The following NBEA variants were observed in gnomAD, a reference collection of about 807,000 sequenced individuals.
NBEA encodes the protein lysosomal-trafficking regulator 2.
NBEA carries 44 observed loss-of-function variants against 343.4 expected under a neutral mutation model. The observed-to-expected ratio is 0.13, with a 90% CI of 0.10 to 0.16. NBEA has a LOEUF of 0.16. Among genes scored for constraint, NBEA ranks in the 10% least tolerant of loss-of-function variants. The probability of loss-of-function intolerance (pLI) is 1.00; values close to 1 mark genes in which losing one functional copy is unlikely to be tolerated. For missense variants in NBEA, 2,555 were observed against 3,631.3 expected, an observed-to-expected ratio of 0.70 and a Z score of 7.62; for synonymous variants, 1,175 against 1,238.7, an observed-to-expected ratio of 0.95 and a Z score of 1.08.
In NBEA at chr13:35,587,282, A is replaced by G. The variant is rs112948594; in HGVS notation, c.7176+3244A>G. Among the ~76,000 whole-genome samples, 675 of 152,292 alleles carry G rather than the reference A, an allele frequency of 4.4e-3. 4 individuals are homozygous for G. Among genetic ancestry groups the G allele is most frequent in the African/African-American group, 0.015 (625 of 41,558 alleles). ...TGGGCTTAAGTAGCCCATGAGATAT[A>G]TTTCTTAAGCTACACAGTCAATTTG... On this transcript the variant is annotated intron_variant, in intron 46 of 58. Transcript: ENST00000379939.
chr13:35,422,445 A>G lies in NBEA; in HGVS notation c.6180-9824A>G, dbSNP rs1297643168. Among the ~76,000 whole-genome samples, 7 of 152,170 alleles carry G rather than the reference A, an allele frequency of 4.6e-5. No individual in the cohort carries two copies. The South Asian group carries it at 6.2e-4, about 14-fold the overall frequency. On this transcript the variant is annotated intron_variant, in intron 38 of 58. Coordinates refer to ENST00000379939, the MANE Select transcript of NBEA (RefSeq NM_001385012.1). ...TAGTCTGCTGCGAATGATGGTTTCC[A>G]GTTTCATCCATGTCCCTACAAAGGA... is the stretch of plus-strand genomic sequence containing the variant.
chr13:35,359,242 T>C (rs2040671391), intron 38 of NBEA, among the ~76,000 whole-genome samples: 1 of 152,192 alleles, frequency 6.6e-6, no homozygotes, highest in Admixed American at 6.5e-5. Flanking sequence ...TGAGTTCAAA[T>C]GTCACCTTTT....
chr13:35,564,291 A>G (rs547885940), intron 44 of NBEA, among the ~76,000 whole-genome samples: 26 of 152,016 alleles, frequency 1.7e-4, no homozygotes, highest in Non-Finnish European at 4.4e-5. Flanking sequence ...AATATATGTT[A>G]TATCTAGATA....
At chr13:35,562,962 GT>G (rs890795588) in intron 44 of NBEA, among the ~76,000 whole-genome samples, 3 of 151,768 alleles carry the variant, frequency 2.0e-5, no homozygotes, top group Non-Finnish European at 4.4e-5. Context: ...TAATTAAAAA[GT>G]TTTTTTAATG....
intron 41 of NBEA, among the ~76,000 whole-genome samples, chr13:35,506,329 A>G (rs2077071252): frequency 6.6e-6 from 1 of 152,140 alleles, no homozygotes; most frequent in South Asian, 2.1e-4. Flanking sequence ...TTGGCCTCTC[A>G]TAGAACTGAG....
chr13:35,282,309 T>C (rs1350538200), intron 34 of NBEA, among the ~76,000 whole-genome samples: 1 of 152,180 alleles, frequency 6.6e-6, no homozygotes, highest in African/African-American at 2.4e-5. Context: ...TGGTATATGT[T>C]CTCTTTTGAT....
chr13:35,664,894 T>TA (rs1338636800), intron 55 of NBEA, among the ~76,000 whole-genome samples, 191 bp from the exon 56 acceptor site: 1 of 152,266 alleles, frequency 6.6e-6, no homozygotes, highest in African/African-American at 2.4e-5. Context: ...ACAGCATGTA[T>TA]AATAGATTCG....
chr13:35,162,872 A>C (rs575173895), intron 23 of NBEA, among the ~76,000 whole-genome samples: 8 of 152,262 alleles, frequency 5.3e-5, no homozygotes, highest in African/African-American at 1.9e-4. Context: ...TTGTGGAAGA[A>C]GTCAATAAAG....
At chr13:35,206,175 T>C (rs911982731) in intron 31 of NBEA, among the ~76,000 whole-genome samples, 1 of 152,140 alleles carries the variant, frequency 6.6e-6, no homozygotes, top group Non-Finnish European at 1.5e-5. Context: ...TTTCTCTCGG[T>C]CTCATAACTT....
chr13:35,185,449 GATGAA>G (rs2071628871), intron 30 of NBEA: 1 of 152,276 alleles, frequency 6.6e-6, no homozygotes, highest in Non-Finnish European at 1.5e-5. Flanking sequence ...TGAACAGCAT[GATGAA>G]ATGAAGGGAA....
chr13:35,065,629 A>ATATT (rs953065953), intron 8 of NBEA, among the ~76,000 whole-genome samples: 2 of 151,420 alleles, frequency 1.3e-5, no homozygotes, highest in African/African-American at 2.4e-5. Context: ...CTCTTAAATC[A>ATATT]CTCCTCATAT....
At chr13:35,353,385 A>C (rs149814182) in intron 38 of NBEA, among the ~76,000 whole-genome samples, 5 of 152,160 alleles carry the variant, frequency 3.3e-5, no homozygotes, top group African/African-American at 9.6e-5. Flanking sequence ...CAGTGAGCCG[A>C]GATTGTGCCA....
chr13:35,042,036 GAATACTCTTTTAA>G (rs2062671476), intron 2 of NBEA, among the ~76,000 whole-genome samples: 1 of 151,778 alleles, frequency 6.6e-6, no homozygotes, highest in Non-Finnish European at 1.5e-5. Context: ...AGATACCAGA[GAATACTCTTTTAA>G]CATTTTGGCT....
At chr13:34,968,894 G>GTGTT (rs1566102823) in intron 1 of NBEA, among the ~76,000 whole-genome samples, 19 of 151,204 alleles carry the variant, frequency 1.3e-4, no homozygotes, top group African/African-American at 3.9e-4. Flanking sequence ...TCAATTGATT[G>GTGTT]TTAATATCAA....
At position 35,033,521 on chromosome 13, in the gene NBEA, G is replaced by T. The variant is rs1400106023; in HGVS notation, c.295-7412G>T. ...GTGATTCCATATAAATTTGAGCATT[G>T]TTTTATCTATTTCTGTGAAGGATGT... is the stretch of plus-strand genomic sequence containing the variant. On this transcript the variant is annotated intron_variant, in intron 1 of 58. Coordinates refer to ENST00000379939, the MANE Select transcript of NBEA (RefSeq NM_001385012.1). Among the ~76,000 whole-genome samples the T allele has an allele frequency of 2.6e-5, 4 of 151,692 alleles. No individual in the cohort carries two copies. The East Asian group carries it at 7.7e-4, about 29-fold the overall frequency.
intron 1 of NBEA, among the ~76,000 whole-genome samples, chr13:34,985,411 CT>C (rs2060510890): frequency 6.6e-6 from 1 of 150,964 alleles, no homozygotes; most frequent in Admixed American, 6.6e-5. Context: ...GCTGAATAAG[CT>C]TTTTCATGTG....
chr13:35,130,515 T>A (rs1205009383), intron 17 of NBEA, among the ~76,000 whole-genome samples: 1 of 152,036 alleles, frequency 6.6e-6, no homozygotes, highest in Non-Finnish European at 1.5e-5. Context: ...GAAAAAGGTG[T>A]AATTCACTAG....
Position 35,160,091 on chromosome 13 carries a change from A to C in NBEA, c.3861+59A>C, listed in dbSNP as rs901372729. Reference sequence around the variant, plus strand: ...AAAAATGCATTGAAGAGTTGTTAGCACCAAAACAGAGTAATTTCTTATCAG... The same window carrying C: ...AAAAATGCATTGAAGAGTTGTTAGCCCCAAAACAGAGTAATTTCTTATCAG... On this transcript the variant is annotated intron_variant, in intron 22 of 58. Transcript: ENST00000379939. The C allele has an allele frequency of 2.7e-5, 38 of 1,391,748 alleles. No homozygotes were observed. The Admixed American group carries it at 2.8e-4, about 10-fold the overall frequency. The allele number at this position is 1,391,748 out of a possible 1,614,324, so 86.2% of individuals were successfully genotyped here.
At chr13:35,496,998 C>T (rs1239882217) in intron 41 of NBEA, among the ~76,000 whole-genome samples, 1 of 152,058 alleles carries the variant, frequency 6.6e-6, no homozygotes, top group African/African-American at 2.4e-5. Flanking sequence ...ACTCTTTCTC[C>T]TAAGTCTATG....
Sources: gnomAD v4.1 joint callset for allele counts (sites outside exome capture counted in the v4.1 genomes callset) on GRCh38, gnomAD v4.1.1 for gene constraint, MANE v1.5 for transcripts, NCBI Gene and HGNC (gene_info 2026-07-23, HGNC 2026-07-21) for gene names.